Variants in DCDC1 observed in about 807,000 individuals in gnomAD.
The protein encoded by DCDC1 is doublecortin domain-containing protein 1.
In DCDC1, 200 loss-of-function variants were observed where a neutral mutation model predicts 178.3. That is an observed-to-expected ratio of 1.12 (90% CI 1.00 to 1.26). DCDC1 has a LOEUF of 1.26. Among genes scored for constraint, DCDC1 ranks in the 50% most tolerant of loss-of-function variants. The pLI, the probability that DCDC1 is intolerant of heterozygous loss-of-function variation, is 0.00. For missense variants in DCDC1, 1,983 were observed against 1,749.2 expected, an observed-to-expected ratio of 1.13 and a Z score of -2.38; for synonymous variants, 690 against 604.8, an observed-to-expected ratio of 1.14 and a Z score of -2.07.
intron 9 of DCDC1, among the ~76,000 whole-genome samples, chr11:31,147,833 G>A (rs1486018303): frequency 1.3e-5 from 2 of 152,202 alleles, no homozygotes; most frequent in Non-Finnish European, 2.9e-5. Context: ...TAGAGAGTGG[G>A]AATCACTCCA....
At chr11:31,084,357 T>C (rs1957356345) in intron 17 of DCDC1, among the ~76,000 whole-genome samples, 2 of 152,188 alleles carry the variant, frequency 1.3e-5, no homozygotes, top group Admixed American at 6.5e-5. Context: ...ATATTTATTG[T>C]TATTTATAAT....
At chr11:31,000,185 T>A (rs1167913230) in intron 20 of DCDC1, among the ~76,000 whole-genome samples, 1 of 152,226 alleles carries the variant, frequency 6.6e-6, no homozygotes, top group East Asian at 1.9e-4. Flanking sequence ...TAATTCTAAC[T>A]TTTAGGTTAA....
intron 17 of DCDC1, among the ~76,000 whole-genome samples, chr11:31,085,469 T>C (rs1180770854): frequency 6.6e-6 from 1 of 152,170 alleles, no homozygotes; most frequent in South Asian, 2.1e-4. Flanking sequence ...TTCTAAATTA[T>C]ATATATATTG....
intron 17 of DCDC1, among the ~76,000 whole-genome samples, chr11:31,089,997 C>CGCATTG (rs965378356): frequency 6.6e-5 from 10 of 152,082 alleles, no homozygotes; most frequent in African/African-American, 2.2e-4. Flanking sequence ...TCCATAGTTT[C>CGCATTG]GCATTGGCAT....
Position 31,102,293 on chromosome 11 carries a change from T to C in DCDC1, c.1878-11A>G. On this transcript the variant is annotated splice_polypyrimidine_tract_variant and intron_variant, in intron 14 of 38. Coordinates refer to ENST00000684477, the MANE Select transcript of DCDC1 (RefSeq NM_001387274.1). ...TCACAAACTTCCCAACTAAGAAAAG[T>C]AAAATACGTAATTATTTTTATTAGA... is the stretch of plus-strand genomic sequence containing the variant. The C allele has an allele frequency of 1.5e-6, 1 of 665,456 alleles. No individual in the cohort carries two copies. 41.2% of individuals were successfully genotyped at this position (665,456 alleles called of 1,614,324 possible). A position where few individuals can be genotyped will look rare whatever the true frequency, so the allele number is the denominator to read the frequency against.
chr11:30,993,644 A>C (rs1951102222), intron 20 of DCDC1, among the ~76,000 whole-genome samples: 1 of 152,150 alleles, frequency 6.6e-6, no homozygotes, highest in Non-Finnish European at 1.5e-5. Context: ...GATCAATCGC[A>C]TACACAGTGA....
rs1958880394 is a variant in DCDC1 at position 31,106,824 on chromosome 11, A to T, written c.1724T>A (p.Ile575Asn). 3.9e-6 allele frequency: 3 copies of T among 766,026 alleles called. No individual in the cohort carries two copies. Among genetic ancestry groups the T allele is most frequent in the Non-Finnish European group, 7.2e-6 (3 of 417,778 alleles). 47.5% of individuals were successfully genotyped at this position (766,026 alleles called of 1,614,324 possible). ...GTATGCTCTACCATAAGAGACCCAAATTTTTTGCTCATTCTTCAGCGAAAG... is the reference window on the plus strand; with the variant it reads ...GTATGCTCTACCATAAGAGACCCAATTTTTTTGCTCATTCTTCAGCGAAAG... ...NPLSLKNEQK[I>N]WVSYGRAYRS... Residue 575 changes from isoleucine to asparagine, a missense_variant, in exon 13 of 39, where the codon ATT (isoleucine) becomes AAT (asparagine). Ile to Asn is a moderately radical substitution (Grantham distance 149). Coordinates refer to ENST00000684477, the MANE Select transcript of DCDC1 (RefSeq NM_001387274.1).
At chr11:31,147,760 T>A (rs1415534293) in intron 9 of DCDC1, among the ~76,000 whole-genome samples, 4 of 152,152 alleles carry the variant, frequency 2.6e-5, no homozygotes, top group Non-Finnish European at 5.9e-5. Flanking sequence ...GGCAAAACCA[T>A]AATTTAATAG....
At chr11:31,159,895 AG>A (rs1242592351) in intron 9 of DCDC1, among the ~76,000 whole-genome samples, 14 of 152,198 alleles carry the variant, frequency 9.2e-5, no homozygotes, top group Non-Finnish European at 1.5e-5. Flanking sequence ...ATTTCCACCA[AG>A]TGTCTTTGTA....
At chr11:31,187,092 C>T (rs190525179) in intron 9 of DCDC1, among the ~76,000 whole-genome samples, 1 of 152,178 alleles carries the variant, frequency 6.6e-6, no homozygotes, top group Non-Finnish European at 1.5e-5. Context: ...GGCCCCTAAA[C>T]CCCCACTTCA....
chr11:31,233,449 T>G (rs947438159), intron 9 of DCDC1, among the ~76,000 whole-genome samples: 1 of 152,222 alleles, frequency 6.6e-6, no homozygotes, highest in African/African-American at 2.4e-5. Flanking sequence ...TATGTGGTAC[T>G]CAACACTTCA....
chr11:30,967,084 G>A (rs1425655185), intron 20 of DCDC1, among the ~76,000 whole-genome samples: 2 of 33,730 alleles, frequency 5.9e-5, no homozygotes, highest in Non-Finnish European at 1.2e-4. Context: ...TTGGCGATGC[G>A]GGCTCTTTTT....
intron 35 of DCDC1, among the ~76,000 whole-genome samples, chr11:30,893,574 G>A (rs955508830): frequency 3.9e-5 from 6 of 152,120 alleles, no homozygotes; most frequent in Admixed American, 1.3e-4. Context: ...AGCTTGGCAC[G>A]AAGTCTTATT....
At chr11:30,929,874 G>C (rs1946825023) in intron 22 of DCDC1, among the ~76,000 whole-genome samples, 1 of 152,066 alleles carries the variant, frequency 6.6e-6, no homozygotes, top group Admixed American at 6.6e-5. Flanking sequence ...TCACTCACTA[G>C]AGTAATAACC....
Position 31,124,760 on chromosome 11 carries a change from T to C in DCDC1, c.1485+2709A>G, listed in dbSNP as rs186337444. ...GGAAATTGAAACTGGATCCCTTCCT[T>C]ACACCTTATACAAAAAACTCAGATG... On this transcript the variant is annotated intron_variant, in intron 11 of 38. Transcript: ENST00000684477. Among the ~76,000 whole-genome samples the C allele has an allele frequency of 3.6e-3, 546 of 152,244 alleles. 1 individual carries two copies. The highest frequency in any genetic ancestry group is 6.8e-3 in the Middle Eastern group (2 of 294).
chr11:31,163,585 C>T (rs906624431), intron 9 of DCDC1, among the ~76,000 whole-genome samples: 2 of 152,160 alleles, frequency 1.3e-5, no homozygotes, highest in Admixed American at 6.5e-5. Context: ...AAGATTTGCT[C>T]ATTTGCCTTT....
intron 9 of DCDC1, among the ~76,000 whole-genome samples, chr11:31,181,807 T>C (rs1968839824): frequency 6.6e-6 from 1 of 152,066 alleles, no homozygotes. Context: ...AGAATGAGCA[T>C]GTTCTAACCC....
At chr11:30,870,953 C>T (rs529304995) in intron 38 of DCDC1, among the ~76,000 whole-genome samples, 3 of 152,262 alleles carry the variant, frequency 2.0e-5, no homozygotes, top group Admixed American at 6.5e-5. Context: ...TCTATACTAA[C>T]AATGCCATGT....
chr11:31,154,783 A>G (rs1210387044), intron 9 of DCDC1, among the ~76,000 whole-genome samples: 1 of 152,212 alleles, frequency 6.6e-6, no homozygotes, highest in East Asian at 1.9e-4. Flanking sequence ...ATATAAGGTT[A>G]GAAAAGGCTG....
Sources: allele counts gnomAD v4.1 joint callset (sites outside exome capture counted in the v4.1 genomes callset), GRCh38; gene constraint gnomAD v4.1.1; transcripts MANE v1.5; gene names NCBI Gene and HGNC (gene_info 2026-07-23, HGNC 2026-07-21).